Variants in FAAH2 observed in about 807,000 individuals in gnomAD.
The protein encoded by FAAH2 is fatty acid amide hydrolase 2, also known as fatty-acid amide hydrolase 2.
A neutral mutation model predicts 36.9 loss-of-function variants in FAAH2; 60 were observed. That is an observed-to-expected ratio of 1.63 (90% CI 1.32 to 2.02). The LOEUF is 2.02. Ranked by LOEUF, FAAH2 falls within the 30% of genes most tolerant of loss-of-function variation. The probability of loss-of-function intolerance (pLI) is 0.00; values close to 1 mark genes in which losing one functional copy is unlikely to be tolerated. For synonymous variants in FAAH2, 214 were observed against 143.8 expected, an observed-to-expected ratio of 1.49 and a Z score of -3.49; for missense variants, 689 against 397.5, an observed-to-expected ratio of 1.73 and a Z score of -6.23.
the FAAH2 span, among the ~76,000 whole-genome samples, chrX:57,266,449 G>C: frequency 8.9e-6 from 1 of 112,443 alleles, no homozygotes; most frequent in East Asian, 2.8e-4. Flanking sequence ...TGGGCCTACA[G>C]CCACTCTCTG....
At chrX:57,351,508 GT>G (rs372693432) in intron 5 of FAAH2, among the ~76,000 whole-genome samples, 3 of 110,777 alleles carry the variant, frequency 2.7e-5, no homozygotes, top group African/African-American at 9.8e-5. Flanking sequence ...GCTAAATGAA[GT>G]TGAGGCTAAA....
At chrX:57,176,276 T>G in the FAAH2 span, among the ~76,000 whole-genome samples, 3 of 47,939 alleles carry the variant, frequency 6.3e-5, no homozygotes, top group South Asian at 1.4e-3. Flanking sequence ...TGTAATTGTT[T>G]TTTTTTTTTA....
chrX:57,462,318 A>G (rs779260417), intron 10 of FAAH2, among the ~76,000 whole-genome samples: 5 of 111,432 alleles, frequency 4.5e-5, no homozygotes, highest in Non-Finnish European at 9.4e-5. Flanking sequence ...TGAGGCCAGC[A>G]TTGTCCTGAT....
chrX:57,403,080 C>G (rs770482270), intron 7 of FAAH2, among the ~76,000 whole-genome samples: 18 of 111,825 alleles, frequency 1.6e-4, no homozygotes, highest in African/African-American at 4.9e-4. Context: ...TTACCTAGGT[C>G]TATTATAATT....
the FAAH2 span, among the ~76,000 whole-genome samples, chrX:57,244,967 G>A: frequency 9.0e-6 from 1 of 111,373 alleles, no homozygotes; most frequent in African/African-American, 3.3e-5. Flanking sequence ...CCATTGGTGT[G>A]CTGTATTCAG....
At chrX:57,395,074 G>T in intron 7 of FAAH2, 1 of 550,542 alleles carries the variant, frequency 1.8e-6, no homozygotes. Context: ...CAATAGCATT[G>T]ATCACTCCTT....
At position 57,378,782 on chromosome X, in the gene FAAH2, A is replaced by G. The variant is rs1199906595; in HGVS notation, c.874A>G (p.Lys292Glu). The G allele has an allele frequency of 2.5e-6, 3 of 1,206,051 alleles. No homozygotes were observed. The highest frequency in any genetic ancestry group is 2.2e-5 in the Admixed American group (1 of 45,279). ...GAAGGTCATGGCAGGACCTGGGATC[A>G]AAAGGTATGTTCATTTATTTTTATT... is the stretch of plus-strand genomic sequence containing the variant. ...MLKVMAGPGI[K>E]RLKLDTKVHL... The change falls in exon 6 of 11, where the codon AAA becomes GAA. Residue 292 changes from lysine to glutamate, a missense_variant. Transcript: ENST00000374900.
At chrX:57,369,686 T>C (rs1052999191) in intron 5 of FAAH2, among the ~76,000 whole-genome samples, 1 of 111,859 alleles carries the variant, frequency 8.9e-6, no homozygotes, top group Non-Finnish European at 1.9e-5. Flanking sequence ...TCACCATCAA[T>C]TATCTTTACA....
At chrX:57,415,464 G>T (rs1322356371) in intron 7 of FAAH2, among the ~76,000 whole-genome samples, 1 of 111,602 alleles carries the variant, frequency 9.0e-6, no homozygotes, top group Non-Finnish European at 1.9e-5. Context: ...CTTTACTTCT[G>T]CTTTAATTTT....
At chrX:57,441,000 T>G (rs1258169861) in intron 8 of FAAH2, among the ~76,000 whole-genome samples, 2 of 111,727 alleles carry the variant, frequency 1.8e-5, no homozygotes, top group African/African-American at 6.5e-5. Flanking sequence ...TGGATTCAGT[T>G]TGCCAGTATT....
the FAAH2 span, chrX:57,126,816 A>T: frequency 2.7e-5 from 3 of 111,584 alleles, no homozygotes; most frequent in Non-Finnish European, 3.8e-5. Flanking sequence ...CTGCTGGAAG[A>T]CTTCTGAAAA....
chrX:57,488,860 T>C lies in FAAH2; in HGVS notation c.1527T>C (p.Asp509=), dbSNP rs775287606. The C allele has an allele frequency of 2.5e-6, 3 of 1,211,086 alleles. No individual in the cohort carries two copies. The highest frequency in any genetic ancestry group is 3.4e-6 in the Non-Finnish European group (3 of 895,347). ...GIQVVAGPFN[D]HLTLAVAQYL... is the part of the protein sequence containing the mutation. ...AGGTTGTGGCTGGACCCTTTAATGA[T>C]CATCTGACCCTGGCTGTGGCCCAGT... The change falls in exon 11 of 11, where the codon GAT becomes GAC. Residue 509 remains aspartate, a synonymous_variant. Transcript: ENST00000374900.
the FAAH2 span, among the ~76,000 whole-genome samples, chrX:57,261,552 CAA>C: frequency 4.7e-4 from 11 of 23,388 alleles, no homozygotes; most frequent in Admixed American, 7.1e-4. Context: ...GACTCTGTCT[CAA>C]AAAAAAAAAA....
At chrX:57,402,908 T>C (rs1485742352) in intron 7 of FAAH2, among the ~76,000 whole-genome samples, 4 of 111,827 alleles carry the variant, frequency 3.6e-5, no homozygotes, top group African/African-American at 1.3e-4. Flanking sequence ...CTGACTGAGA[T>C]ACCAGAGATT....
intron 8 of FAAH2, among the ~76,000 whole-genome samples, chrX:57,440,383 C>A (rs1483999923): frequency 2.7e-5 from 3 of 111,051 alleles, no homozygotes; most frequent in Non-Finnish European, 5.7e-5. Flanking sequence ...GGAATTCACT[C>A]ACGATTTGGC....
intron 10 of FAAH2, among the ~76,000 whole-genome samples, chrX:57,466,452 A>G (rs762449020): frequency 1.3e-5 from 1 of 77,719 alleles, no homozygotes; most frequent in Non-Finnish European, 2.5e-5. Context: ...ATATATATAT[A>G]TATAACAAAA....
chrX:57,464,576 G>A (rs1468049796), intron 10 of FAAH2, among the ~76,000 whole-genome samples: 1 of 102,898 alleles, frequency 9.7e-6, no homozygotes, highest in Non-Finnish European at 2.0e-5. Flanking sequence ...AAGGGCTTCT[G>A]TGCAATAAAA....
the FAAH2 span, among the ~76,000 whole-genome samples, chrX:57,262,847 T>A: frequency 9.0e-6 from 1 of 111,723 alleles, no homozygotes; most frequent in Non-Finnish European, 1.9e-5. Context: ...ATTAATAGAC[T>A]AAGAAATAAA....
intron 10 of FAAH2, among the ~76,000 whole-genome samples, chrX:57,458,779 A>G (rs1212383521): frequency 6.2e-5 from 7 of 112,102 alleles, no homozygotes; most frequent in Admixed American, 2.8e-4. Context: ...AGACTGGGCT[A>G]TCCAGCCCAT....
Sources: allele counts gnomAD v4.1 joint callset (sites outside exome capture counted in the v4.1 genomes callset), GRCh38; gene constraint gnomAD v4.1.1; transcripts MANE v1.5; gene names NCBI Gene and HGNC (gene_info 2026-07-23, HGNC 2026-07-21).